CAST: variants seen among roughly 807,000 people sequenced by gnomAD.
CAST encodes the protein MIR583 host.
CAST carries 76 observed loss-of-function variants against 119.6 expected under a neutral mutation model. The observed-to-expected ratio is 0.64, with a 90% confidence interval of 0.53 to 0.77. The LOEUF is 0.77. Ranked by LOEUF, CAST falls within the 30% of genes least tolerant of loss-of-function variation. The probability of loss-of-function intolerance (pLI) is 0.00; values close to 1 mark genes in which losing one functional copy is unlikely to be tolerated. For missense variants in CAST, 953 were observed against 946.5 expected, an observed-to-expected ratio of 1.01 and a Z score of -0.09; for synonymous variants, 319 against 331.6, an observed-to-expected ratio of 0.96 and a Z score of 0.41.
chr5:96,115,017 A>G, the CAST span, among the ~76,000 whole-genome samples: 1 of 152,250 alleles, frequency 6.6e-6, no homozygotes. Flanking sequence ...TATCGCAACA[A>G]TTACAAGAGA....
chr5:96,475,839 T>C, the CAST span, among the ~76,000 whole-genome samples: 374 of 152,262 alleles, frequency 2.5e-3, no homozygotes, highest in African/African-American at 8.6e-3. Context: ...CCTTCTCAAA[T>C]TGCAATAATG....
chr5:96,327,390 A>G, the CAST span, among the ~76,000 whole-genome samples: 1 of 152,218 alleles, frequency 6.6e-6, no homozygotes, highest in Non-Finnish European at 1.5e-5. Context: ...AAAGTATACT[A>G]CTGGGATCCT....
intron 1 of CAST, among the ~76,000 whole-genome samples, chr5:96,570,467 A>C (rs1254950471): frequency 2.0e-5 from 3 of 152,128 alleles, no homozygotes; most frequent in African/African-American, 7.2e-5. Context: ...GAACTCAAAG[A>C]AGGGCAATTA....
chr5:96,072,223 A>G, the CAST span, among the ~76,000 whole-genome samples: 39 of 92,358 alleles, frequency 4.2e-4, 1 homozygote, highest in Admixed American at 1.7e-3. Flanking sequence ...TATATTGTTA[A>G]GGCCTGACCC....
intron 1 of CAST, among the ~76,000 whole-genome samples, chr5:96,619,155 G>A (rs557229771): frequency 1.6e-4 from 25 of 152,176 alleles, no homozygotes; most frequent in African/African-American, 6.0e-4. Flanking sequence ...TCAGCACTCT[G>A]TGTCTAGCTC....
chr5:96,545,912 A>G (rs1746002493), intron 1 of CAST, among the ~76,000 whole-genome samples: 1 of 152,222 alleles, frequency 6.6e-6, no homozygotes, highest in Non-Finnish European at 1.5e-5. Flanking sequence ...TAGTCTAACC[A>G]CATATCTTCC....
At chr5:96,020,559 A>G in the CAST span, among the ~76,000 whole-genome samples, 17 of 152,112 alleles carry the variant, frequency 1.1e-4, 1 homozygote, top group Admixed American at 7.9e-4. Flanking sequence ...TTAGATTCTC[A>G]CAGGAGCACA....
the CAST span, among the ~76,000 whole-genome samples, chr5:96,309,288 T>C: frequency 6.6e-6 from 1 of 152,232 alleles, no homozygotes; most frequent in Non-Finnish European, 1.5e-5. Flanking sequence ...TCAGCAATGG[T>C]GGATACCCTT....
chr5:96,325,389 C>T, the CAST span, among the ~76,000 whole-genome samples: 1 of 151,322 alleles, frequency 6.6e-6, no homozygotes, highest in Non-Finnish European at 1.5e-5. Context: ...TTCTTTCTTT[C>T]TTTCTTTCTT....
chr5:96,514,178 A>G, the CAST span, among the ~76,000 whole-genome samples: 1 of 152,190 alleles, frequency 6.6e-6, no homozygotes, highest in Non-Finnish European at 1.5e-5. Flanking sequence ...AAGGACTTCA[A>G]CGCATATTTT....
the CAST span, among the ~76,000 whole-genome samples, chr5:96,093,684 T>C: frequency 6.6e-6 from 1 of 152,200 alleles, no homozygotes; most frequent in Non-Finnish European, 1.5e-5. Context: ...CAGTATGGGT[T>C]TGAAGGGTCT....
the CAST span, among the ~76,000 whole-genome samples, chr5:95,998,111 A>G: frequency 1.3e-5 from 2 of 151,798 alleles, no homozygotes; most frequent in Non-Finnish European, 2.9e-5. Context: ...GGGCAATGAT[A>G]CATTCACCTT....
At chr5:96,601,669 T>C (rs1256939863) in intron 1 of CAST, among the ~76,000 whole-genome samples, 1 of 151,926 alleles carries the variant, frequency 6.6e-6, no homozygotes, top group African/African-American at 2.4e-5. Flanking sequence ...TTCTACTCGA[T>C]TGGTTTTTTA....
chr5:96,294,168 C>T, the CAST span, among the ~76,000 whole-genome samples: 1 of 152,214 alleles, frequency 6.6e-6, no homozygotes, highest in South Asian at 2.1e-4. Context: ...TAGCTAACAA[C>T]TTAAAAAAAT....
At chr5:96,371,310 A>G in the CAST span, among the ~76,000 whole-genome samples, 1 of 152,226 alleles carries the variant, frequency 6.6e-6, no homozygotes, top group African/African-American at 2.4e-5. Flanking sequence ...TAACAGGGCT[A>G]GTCAATAAGC....
Position 96,754,097 on chromosome 5 carries a change from C to T in CAST, c.1562C>T (p.Ala521Val), listed in dbSNP as rs1301134942. ...CCAGATGATGCTGTAGAAGCCTTGG[C>T]TGATAGCCTGGGGAAAAAGGAAGCA... ...TVPDDAVEAL[A>V]DSLGKKEADP... The change falls in exon 21 of 32, where the codon GCT (alanine) becomes GTT (valine). Residue 521 changes from alanine to valine, a missense_variant. Coordinates refer to ENST00000675179, the MANE Select transcript of CAST (RefSeq NM_001750.7). 1.2e-6 allele frequency: 2 copies of T among 1,613,834 alleles called. No individual in the cohort carries two copies. The highest frequency in any genetic ancestry group is 2.2e-5 in the South Asian group (2 of 91,070).
chr5:96,658,896 C>A (rs997143344), upstream of CAST, among the ~76,000 whole-genome samples: 7 of 151,676 alleles, frequency 4.6e-5, no homozygotes, highest in African/African-American at 1.7e-4. Context: ...TATGCTTTAC[C>A]CACTATGATG....
chr5:96,501,753 CAT>C, the CAST span, among the ~76,000 whole-genome samples: 7 of 152,216 alleles, frequency 4.6e-5, no homozygotes, highest in Non-Finnish European at 8.8e-5. Flanking sequence ...TTGGTATAGT[CAT>C]GTGCCACATA....
the CAST span, among the ~76,000 whole-genome samples, chr5:96,067,699 G>A: frequency 1.3e-5 from 2 of 152,164 alleles, no homozygotes; most frequent in African/African-American, 2.4e-5. Context: ...CAGTTATAGG[G>A]ACTATTTAAG....
Sources: allele counts gnomAD v4.1 joint callset (sites outside exome capture counted in the v4.1 genomes callset), GRCh38; gene constraint gnomAD v4.1.1; transcripts MANE v1.5; gene names NCBI Gene and HGNC (gene_info 2026-07-23, HGNC 2026-07-21).